Variants in RFX3 observed in about 807,000 individuals in gnomAD.
The protein encoded by RFX3 is transcription factor RFX3.
Under a neutral mutation model 98.6 loss-of-function variants are expected in RFX3, and 14 were observed. The ratio of observed to expected loss-of-function variants is 0.14; its 90% CI spans 0.09 to 0.22. The LOEUF (loss-of-function observed/expected upper bound fraction) is 0.22. Ranked by LOEUF, RFX3 falls within the 10% of genes least tolerant of loss-of-function variation. The probability of loss-of-function intolerance (pLI) is 1.00; values close to 1 mark genes in which losing one functional copy is unlikely to be tolerated. For synonymous variants in RFX3, 383 were observed against 328.4 expected, an observed-to-expected ratio of 1.17 and a Z score of -1.80; for missense variants, 639 against 926.9, an observed-to-expected ratio of 0.69 and a Z score of 4.03.
At chr9:3,234,037 T>G (rs1818820723) in intron 15 of RFX3, among the ~76,000 whole-genome samples, 1 of 152,204 alleles carries the variant, frequency 6.6e-6, no homozygotes, top group Admixed American at 6.5e-5. Context: ...GATTACAGAT[T>G]TACGGGTAGG....
intron 1 of RFX3, among the ~76,000 whole-genome samples, chr9:3,516,009 T>C (rs1587915782): frequency 6.6e-6 from 1 of 152,182 alleles, no homozygotes; most frequent in African/African-American, 2.4e-5. Context: ...TGTTCTAAAA[T>C]CTTGAGAAGT....
At chr9:3,505,222 T>TTATATATATATGAATATATATTTATA (rs1306286411) in intron 1 of RFX3, among the ~76,000 whole-genome samples, 1 of 55,576 alleles carries the variant, frequency 1.8e-5, no homozygotes, top group Non-Finnish European at 2.7e-5. Flanking sequence ...GAATATATAT[T>TTATATATATATGAATATATATTTATA]TATATATGAA....
chr9:3,258,095 G>A (rs1041300641), intron 13 of RFX3, among the ~76,000 whole-genome samples: 2 of 152,116 alleles, frequency 1.3e-5, no homozygotes, highest in African/African-American at 4.8e-5. Context: ...GAAGACATAG[G>A]TGTTAGGTCC....
chr9:3,345,679 T>C (rs947250621), intron 3 of RFX3, among the ~76,000 whole-genome samples: 1 of 152,148 alleles, frequency 6.6e-6, no homozygotes, highest in African/African-American at 2.4e-5. Flanking sequence ...TGGTCACAAT[T>C]ATAAAACGAA....
intron 2 of RFX3, among the ~76,000 whole-genome samples, chr9:3,355,241 A>G (rs896685469): frequency 2.1e-4 from 32 of 151,912 alleles, no homozygotes; most frequent in African/African-American, 7.7e-4. Flanking sequence ...AATTACCTGG[A>G]ATCTACAAGA....
intron 9 of RFX3, among the ~76,000 whole-genome samples, chr9:3,274,175 C>A (rs776654979): frequency 3.9e-5 from 6 of 152,030 alleles, no homozygotes; most frequent in African/African-American, 1.5e-4. Context: ...GAGAACCTGC[C>A]CTTGGTGGTT....
At chr9:3,262,222 C>A (rs1358126562) in intron 13 of RFX3, among the ~76,000 whole-genome samples, 1 of 151,974 alleles carries the variant, frequency 6.6e-6, no homozygotes, top group East Asian at 1.9e-4. Flanking sequence ...TATTTGGTAA[C>A]ATTTAGATTC....
At chr9:3,478,014 A>G (rs1224475264) in intron 1 of RFX3, among the ~76,000 whole-genome samples, 1 of 151,902 alleles carries the variant, frequency 6.6e-6, no homozygotes, top group Non-Finnish European at 1.5e-5. Flanking sequence ...CTTTATTGAT[A>G]CTCTTTCTCT....
intron 1 of RFX3, among the ~76,000 whole-genome samples, chr9:3,468,815 G>GAAAAAAA (rs34057815): frequency 3.7e-4 from 31 of 84,094 alleles, no homozygotes; most frequent in South Asian, 8.2e-4. Context: ...TTTTCCTTTT[G>GAAAAAAA]AAAAAAAAAA....
intron 14 of RFX3, among the ~76,000 whole-genome samples, chr9:3,256,031 A>G (rs934444363): frequency 6.6e-6 from 1 of 151,728 alleles, no homozygotes; most frequent in African/African-American, 2.4e-5. Flanking sequence ...CAGTGGCATG[A>G]TCTCGGCTCA....
chr9:3,288,715 A>C (rs2131588353), intron 6 of RFX3, among the ~76,000 whole-genome samples: 1 of 152,228 alleles, frequency 6.6e-6, no homozygotes, highest in African/African-American at 2.4e-5. Context: ...TTTCCTGGAT[A>C]AGTTTGACAT....
chr9:3,262,056 A>G (rs1822981003), intron 13 of RFX3, among the ~76,000 whole-genome samples: 1 of 152,162 alleles, frequency 6.6e-6, no homozygotes. Context: ...TTTATCAGAT[A>G]TATAATTTGC....
intron 2 of RFX3, among the ~76,000 whole-genome samples, chr9:3,351,833 G>A (rs77319777): frequency 0.035 from 5,381 of 151,970 alleles, 316 homozygotes; most frequent in African/African-American, 0.12. Flanking sequence ...AAACGAGCAT[G>A]CTTACATATA....
At chr9:3,468,445 A>G (rs1259566855) in intron 1 of RFX3, among the ~76,000 whole-genome samples, 2 of 152,184 alleles carry the variant, frequency 1.3e-5, no homozygotes, top group Non-Finnish European at 2.9e-5. Flanking sequence ...TTTAAGAATT[A>G]TGTATCTGGC....
intron 1 of RFX3, among the ~76,000 whole-genome samples, chr9:3,428,782 T>A (rs901560716): frequency 6.6e-6 from 1 of 152,152 alleles, no homozygotes; most frequent in African/African-American, 2.4e-5. Context: ...GAAAGTTTTT[T>A]AAAAATTTAA....
chr9:3,480,893 G>A (rs1334273113), intron 1 of RFX3, among the ~76,000 whole-genome samples: 1 of 152,082 alleles, frequency 6.6e-6, no homozygotes, highest in East Asian at 1.9e-4. Context: ...TTAGCTGACA[G>A]GATGGTAAGT....
intron 1 of RFX3, among the ~76,000 whole-genome samples, chr9:3,509,139 T>C (rs1269010665): frequency 1.3e-5 from 2 of 151,950 alleles, no homozygotes; most frequent in African/African-American, 4.8e-5. Context: ...GTTGCCAGTA[T>C]TGCGTCTGGT....
rs1003162088 is a variant in RFX3, at chr9:3,460,810, T to C, written c.-9+64937A>G. Among the ~76,000 whole-genome samples the C allele has an allele frequency of 6.6e-5, 10 of 152,030 alleles. No homozygotes were observed. In the East Asian group the frequency reaches 1.7e-3, roughly 26 times the overall value. ...CTTGCCATTTCTAAGTATACATGCTTCTATTTCTACAGTGAGAAAAGACAA... is the reference window on the plus strand; with the variant it reads ...CTTGCCATTTCTAAGTATACATGCTCCTATTTCTACAGTGAGAAAAGACAA... On this transcript the variant is annotated intron_variant, in intron 1 of 16. Coordinates refer to ENST00000617270, the MANE Select transcript of RFX3 (RefSeq NM_001282116.2).
At chr9:3,399,948 C>CAA (rs61409115) in intron 1 of RFX3, among the ~76,000 whole-genome samples, 27 of 95,864 alleles carry the variant, frequency 2.8e-4, no homozygotes, top group Admixed American at 1.8e-3. Flanking sequence ...GACTCCGTCT[C>CAA]AAAAAAAAAA....
Sources: allele counts gnomAD v4.1 joint callset (sites outside exome capture counted in the v4.1 genomes callset), GRCh38; gene constraint gnomAD v4.1.1; transcripts MANE v1.5; gene names NCBI Gene and HGNC (gene_info 2026-07-23, HGNC 2026-07-21).